SURF6: variants seen among roughly 807,000 people sequenced by gnomAD.
SURF6 encodes surfeit locus protein 6.
SURF6 carries 28 observed loss-of-function variants against 37.5 expected under a neutral mutation model. That is an observed-to-expected ratio of 0.75 (90% CI 0.55 to 1.02). The LOEUF (loss-of-function observed/expected upper bound fraction) is 1.02, where lower values mean the gene tolerates loss of function less well. SURF6 is among the 50% of genes least tolerant of loss of function. The pLI, the probability that SURF6 is intolerant of heterozygous loss-of-function variation, is 0.00. For synonymous variants in SURF6, 248 were observed against 210.9 expected (o/e 1.18, Z -1.52); for missense variants, 560 against 490.5 (o/e 1.14, Z -1.34).
chr9:133,334,537 C>A lies in SURF6; in HGVS notation c.159G>T (p.Lys53Asn). Residue 53 changes from lysine (K) to asparagine (N), a missense_variant, in exon 2 of 5, where the codon AAG (lysine) becomes AAT (asparagine). By Grantham distance (94) the Lys-to-Asn change is moderately conservative (BLOSUM62 0). Transcript: ENST00000372022. The stretch of plus-strand genomic sequence containing the variant: ...CCTTCTCTTCTCGCTTCCGGAATTT[C>A]TTTTGTGTTTTCTTCCTTTTCTTTT... ...PPKKKRKKTQ[K>N]KFRKREEKAA... 6.2e-7 allele frequency: 1 copy of A among 1,613,834 alleles called. No homozygotes were observed. Among genetic ancestry groups the A allele is most frequent in the African/African-American group, 1.3e-5 (1 of 75,058 alleles).
At position 133,330,299 on chromosome 9, in the gene SURF6, C is replaced by G. The variant is rs2353633; in HGVS notation, c.*1570G>C. Reference sequence around the variant, plus strand: ...TCACCCAGGCTGGAGTGCAGCGGCTCGATCTTGGCTCACTGCAGCCTCTAC... The same window carrying G: ...TCACCCAGGCTGGAGTGCAGCGGCTGGATCTTGGCTCACTGCAGCCTCTAC... On this transcript the variant is annotated 3_prime_UTR_variant, in exon 5 of 5. Transcript: ENST00000372022. 2 of 151,800 alleles carry G rather than the reference C, an allele frequency of 1.3e-5. No individual in the cohort carries two copies. Among genetic ancestry groups the G allele is most frequent in the Admixed American group, 6.6e-5 (1 of 15,228 alleles). The allele number at this position is 151,800 out of a possible 1,614,324, so 9.4% of individuals were successfully genotyped here.
chr9:133,332,833 A>C (rs1385728035), intron 3 of SURF6, 73 bp from the exon 4 acceptor site: 3 of 1,472,466 alleles, frequency 2.0e-6, no homozygotes, highest in African/African-American at 2.8e-5. Context: ...CATAGTCGAG[A>C]AGAATCAGGG....
intron 2 of SURF6, 78 bp from the exon 3 acceptor site, chr9:133,333,884 C>T: frequency 3.4e-6 from 4 of 1,159,608 alleles, no homozygotes; most frequent in Admixed American, 1.9e-5. Context: ...AATCCCTGTC[C>T]CACTGTGGCC....
intron 1 of SURF6, among the ~76,000 whole-genome samples, chr9:133,335,730 G>C (rs2119046609): frequency 6.7e-6 from 1 of 148,216 alleles, no homozygotes; most frequent in Admixed American, 6.7e-5. Context: ...AAAAAAATTA[G>C]CTGGGCGTGG....
At chr9:133,335,875 C>CCAAAAA (rs782235658) in intron 1 of SURF6, among the ~76,000 whole-genome samples, 164 bp downstream of exon 1, 7 of 152,144 alleles carry the variant, frequency 4.6e-5, no homozygotes, top group South Asian at 4.2e-4. Context: ...GACTCCGTCT[C>CCAAAAA]CAAAAACAAA....
chr9:133,334,067 G>T (rs1445353384), intron 2 of SURF6, among the ~76,000 whole-genome samples: 2 of 152,148 alleles, frequency 1.3e-5, no homozygotes, highest in Non-Finnish European at 2.9e-5. Context: ...AAATTTTGTA[G>T]CCTGGGCCCC....
Position 133,333,730 on chromosome 9 carries a change from C to T in SURF6, c.381G>A (p.Glu127=). Reference sequence around the variant, plus strand: ...CCTGCCCGCCTACCTGGCCCCGGGCCTCCTGGATCTTCTCATGCAGTCGCT... The same window carrying T: ...CCTGCCCGCCTACCTGGCCCCGGGCTTCCTGGATCTTCTCATGCAGTCGCT... ...LRQRLHEKIQ[E]ARGQGSAKEL... The change falls in exon 3 of 5, where the codon GAG becomes GAA. Residue 127 remains glutamate (E), a synonymous_variant. Transcript: ENST00000372022. 1.2e-6 allele frequency: 2 copies of T among 1,613,908 alleles called. No individual in the cohort carries two copies. The highest frequency in any genetic ancestry group is 3.3e-4 in the Middle Eastern group (2 of 6,060).
intron 4 of SURF6, 51 bp from the exon 5 acceptor site, chr9:133,332,399 G>C: frequency 6.5e-7 from 1 of 1,537,752 alleles, no homozygotes; most frequent in Non-Finnish European, 8.7e-7. Context: ...CTAGGCCCCA[G>C]CCTTGGCCAG....
chr9:133,329,097 G>C lies in SURF6; in HGVS notation c.*2772C>G, dbSNP rs1032861169. On this transcript the variant is annotated 3_prime_UTR_variant, in exon 5 of 5. Transcript: ENST00000372022. Reference sequence around the variant, plus strand: ...CGTGGATCACGTGTCCACTGGACAGGGTGCCCTTCCCTGCCTGGCAGCCGA... The same window carrying C: ...CGTGGATCACGTGTCCACTGGACAGCGTGCCCTTCCCTGCCTGGCAGCCGA... The C allele has an allele frequency of 6.5e-6, 1 of 153,386 alleles. No homozygotes were observed. 9.5% of individuals were successfully genotyped at this position (153,386 alleles called of 1,614,324 possible).
Position 133,331,884 on chromosome 9 carries a change from G to A in SURF6, c.1071C>T (p.Arg357=), listed in dbSNP as rs1428226895. The change falls in exon 5 of 5, where the codon CGC becomes CGT. Residue 357 remains arginine, a synonymous_variant. Coordinates refer to ENST00000372022, the MANE Select transcript of SURF6 (RefSeq NM_006753.6). Reference sequence around the variant, plus strand: ...TGGGAAAGACTCAGACCAGGCCTGCGCGCTCCAGGTCCTGCGGCAGGATGC... The same window carrying A: ...TGGGAAAGACTCAGACCAGGCCTGCACGCTCCAGGTCCTGCGGCAGGATGC... ...KGRILPQDLE[R]AGLV The A allele has an allele frequency of 1.5e-5, 23 of 1,517,326 alleles. No individual in the cohort carries two copies. Among genetic ancestry groups the A allele is most frequent in the Non-Finnish European group, 2.0e-5 (23 of 1,144,622 alleles). The allele number at this position is 1,517,326 out of a possible 1,614,324, so 94.0% of individuals were successfully genotyped here. A position where few individuals can be genotyped will look rare whatever the true frequency, so the allele number is the denominator to read the frequency against.
Position 133,330,020 on chromosome 9 carries a change from T to C in SURF6, c.*1849A>G, listed in dbSNP as rs941465424. 2 of 152,242 alleles carry C rather than the reference T, an allele frequency of 1.3e-5. No individual in the cohort carries two copies. The highest frequency in any genetic ancestry group is 4.8e-5 in the African/African-American group (2 of 41,470). The allele number at this position is 152,242 out of a possible 1,614,324, so 9.4% of individuals were successfully genotyped here. ...TTAACTACTGACTCAATTTCATCAG[T>C]GATTACAACTCAGGCTTTCTATTAC... On this transcript the variant is annotated 3_prime_UTR_variant, in exon 5 of 5. Coordinates refer to ENST00000372022, the MANE Select transcript of SURF6 (RefSeq NM_006753.6).
Position 133,331,266 on chromosome 9 carries a change from C to T in SURF6, c.*603G>A, listed in dbSNP as rs2129909285. The T allele has an allele frequency of 3.9e-5, 6 of 152,430 alleles. No individual in the cohort carries two copies. The highest frequency in any genetic ancestry group is 1.4e-4 in the African/African-American group (6 of 41,568). The allele number at this position is 152,430 out of a possible 1,614,324, so 9.4% of individuals were successfully genotyped here. ...CTGCTCCCTCCCTCCAAATTCTGAG[C>T]AGTAAAATGCCGCCCCGGGGCACTG... On this transcript the variant is annotated 3_prime_UTR_variant, in exon 5 of 5. Coordinates refer to ENST00000372022, the MANE Select transcript of SURF6 (RefSeq NM_006753.6).
intron 1 of SURF6, among the ~76,000 whole-genome samples, chr9:133,334,979 A>T (rs1216782841): frequency 6.6e-6 from 1 of 152,134 alleles, no homozygotes; most frequent in Middle Eastern, 3.2e-3. Flanking sequence ...TTCTTTTTTG[A>T]GATGGAGTCT....
Position 133,332,169 on chromosome 9 carries a change from C to G in SURF6, c.786G>C (p.Gln262His), listed in dbSNP as rs1835756028. Residue 262 changes from glutamine to histidine, a missense_variant, in exon 5 of 5, where the codon CAG becomes CAC. Transcript: ENST00000372022. ...TCCACTTCATCTTCGCCTCCAGCTC[C>G]TGCGCCTTCCCCTCATCCTGGCCGC... is the stretch of plus-strand genomic sequence containing the variant. ...ELRGQDEGKA[Q>H]ELEAKMKWTN... 1.2e-6 allele frequency: 2 copies of G among 1,610,476 alleles called. No individual in the cohort carries two copies. The highest frequency in any genetic ancestry group is 2.7e-5 in the African/African-American group (2 of 75,068).
At position 133,333,709 on chromosome 9, in the gene SURF6, C is replaced by T. The variant is rs1835804352; in HGVS notation, c.393+9G>A. On this transcript the variant is annotated intron_variant, in intron 3 of 4. Coordinates refer to ENST00000372022, the MANE Select transcript of SURF6 (RefSeq NM_006753.6). ...CAGTGACGGCACTCCAGCAAACCTG[C>T]CCGCCTACCTGGCCCCGGGCCTCCT... 8 of 1,612,790 alleles carry T rather than the reference C, an allele frequency of 5.0e-6. No individual in the cohort carries two copies. The highest frequency in any genetic ancestry group is 5.1e-6 in the Non-Finnish European group (6 of 1,179,248).
Position 133,334,423 on chromosome 9 carries a change from A to G in SURF6, c.273T>C (p.Ala91=), listed in dbSNP as rs1835821463. The part of the protein sequence containing the change: ...RRPEAAKEEA[A]WASSSAGNPA... Reference sequence around the variant, plus strand: ...GGTTCCCTGCTGAGCTGGAAGCCCAAGCTGCTTCCTCTTTGGCTGCCTCAG... The same window carrying G: ...GGTTCCCTGCTGAGCTGGAAGCCCAGGCTGCTTCCTCTTTGGCTGCCTCAG... Residue 91 remains alanine, a synonymous_variant, in exon 2 of 5, where the codon GCT becomes GCC. Coordinates refer to ENST00000372022, the MANE Select transcript of SURF6 (RefSeq NM_006753.6). 1.2e-6 allele frequency: 2 copies of G among 1,613,814 alleles called. No homozygotes were observed. The highest frequency in any genetic ancestry group is 2.2e-5 in the East Asian group (1 of 44,892).
rs2129910709 is a variant in SURF6 at position 133,331,601 on chromosome 9, G to A, written c.*268C>T. On this transcript the variant is annotated 3_prime_UTR_variant, in exon 5 of 5. Transcript: ENST00000372022. ...AAACCTCGGGGAAGCTTTCAGGCCC[G>A]GGAAAGCAGACCAGGCCCCAGTCTC... The A allele has an allele frequency of 1.1e-4, 46 of 412,318 alleles. No homozygotes were observed. In the East Asian group the frequency reaches 1.5e-3, roughly 14 times the overall value. The allele number at this position is 412,318 out of a possible 1,614,324, so 25.5% of individuals were successfully genotyped here.
chr9:133,333,666 G>T, intron 3 of SURF6, 52 bp downstream of exon 3: 1 of 1,564,158 alleles, frequency 6.4e-7, no homozygotes, highest in South Asian at 1.1e-5. Context: ...GCTGACCCCA[G>T]GGAGAACACA....
chr9:133,331,466 T>A lies in SURF6; in HGVS notation c.*403A>T, dbSNP rs2129910272. 13 of 185,300 alleles carry A rather than the reference T, an allele frequency of 7.0e-5. No individual in the cohort carries two copies. Among genetic ancestry groups the A allele is most frequent in the Middle Eastern group, 2.0e-3 (1 of 490 alleles). The allele number at this position is 185,300 out of a possible 1,614,324, so 11.5% of individuals were successfully genotyped here. A position where few individuals can be genotyped will look rare whatever the true frequency, so the allele number is the denominator to read the frequency against. On this transcript the variant is annotated 3_prime_UTR_variant, in exon 5 of 5. Transcript: ENST00000372022. ...TGTTCGGGTGAGCTGCGGACTAACG[T>A]GGCCCGGCAGCAGAGGCCACCGTCT...
Sources: allele counts gnomAD v4.1 joint callset (sites outside exome capture counted in the v4.1 genomes callset), GRCh38; gene constraint gnomAD v4.1.1; transcripts MANE v1.5; gene names NCBI Gene and HGNC (gene_info 2026-07-23, HGNC 2026-07-21).